Variants in CSMD3 observed in about 807,000 individuals in gnomAD.
CSMD3 encodes the protein CUB and sushi domain-containing protein 3.
CSMD3 carries 177 observed loss-of-function variants against 435.2 expected under a neutral mutation model. The observed-to-expected ratio is 0.41, with a 90% confidence interval of 0.36 to 0.46. The LOEUF is 0.46. CSMD3 is among the 20% of genes least tolerant of loss of function. The pLI, the probability that CSMD3 is intolerant of heterozygous loss-of-function variation, is 0.34. For missense variants in CSMD3, 4,265 were observed against 4,504.6 expected, an observed-to-expected ratio of 0.95 and a Z score of 1.52; for synonymous variants, 1,656 against 1,520.5, an observed-to-expected ratio of 1.09 and a Z score of -2.07.
In CSMD3 at chr8:112,625,300, A is replaced by C. The variant is rs553755691; in HGVS notation, c.3715+11517T>G. Among the ~76,000 whole-genome samples the C allele has an allele frequency of 2.0e-5, 3 of 152,200 alleles. No individual in the cohort carries two copies. In the East Asian group the frequency reaches 5.8e-4, roughly 29 times the overall value. ...TATTTTACACAAGCACATTACATCAAGTCATCTCAAACATCATGATTGAAC... is the reference window on the plus strand; with the variant it reads ...TATTTTACACAAGCACATTACATCACGTCATCTCAAACATCATGATTGAAC... On this transcript the variant is annotated intron_variant, in intron 22 of 70. Coordinates refer to ENST00000297405, the MANE Select transcript of CSMD3 (RefSeq NM_198123.2).
chr8:113,355,339 CA>C (rs1370206403), intron 1 of CSMD3, among the ~76,000 whole-genome samples: 2 of 151,840 alleles, frequency 1.3e-5, no homozygotes, highest in African/African-American at 2.4e-5. Flanking sequence ...GCTGCTACAA[CA>C]AAATACCATG....
chr8:113,353,070 G>A (rs1009671275), intron 1 of CSMD3, among the ~76,000 whole-genome samples: 12 of 152,124 alleles, frequency 7.9e-5, no homozygotes, highest in African/African-American at 2.7e-4. Context: ...GAGTTTCAAA[G>A]TAGTGCCAGT....
At chr8:112,517,837 C>G (rs1048486362) in intron 27 of CSMD3, among the ~76,000 whole-genome samples, 2 of 152,168 alleles carry the variant, frequency 1.3e-5, no homozygotes, top group African/African-American at 4.8e-5. Flanking sequence ...GGTAAAACCA[C>G]TCTGGAAAGG....
At chr8:112,606,184 G>A (rs7823392) in intron 22 of CSMD3, among the ~76,000 whole-genome samples, 86,725 of 151,990 alleles carry the variant, frequency 0.57, 25,211 homozygotes, top group African/African-American at 0.67. Flanking sequence ...TACCTATGTC[G>A]CCTGTACCCC....
Position 112,487,555 on chromosome 8 carries a change from A to G in CSMD3, c.5278+4934T>C, listed in dbSNP as rs538091751. The stretch of plus-strand genomic sequence containing the variant: ...CTTTGGCATTTATTCTGATTTGGGA[A>G]GCCATTGGTGGATTTTGAGTAAATA... On this transcript the variant is annotated intron_variant, in intron 31 of 70. Transcript: ENST00000297405. Among the ~76,000 whole-genome samples, 35 of 152,266 alleles carry G rather than the reference A, an allele frequency of 2.3e-4. No individual in the cohort carries two copies. The South Asian group carries it at 7.3e-3, about 32-fold the overall frequency.
chr8:113,166,928 A>G (rs958042249), intron 4 of CSMD3, among the ~76,000 whole-genome samples: 1 of 152,178 alleles, frequency 6.6e-6, no homozygotes, highest in African/African-American at 2.4e-5. Context: ...TTGATTAGGT[A>G]TTTTACATAC....
At chr8:112,764,422 G>A (rs2077924457) in intron 13 of CSMD3, among the ~76,000 whole-genome samples, 1 of 151,176 alleles carries the variant, frequency 6.6e-6, no homozygotes, top group African/African-American at 2.4e-5. Context: ...CCAAACATCG[G>A]TGAATTTACA....
intron 2 of CSMD3, among the ~76,000 whole-genome samples, chr8:113,289,554 C>CGGAGAG (rs1351995588): frequency 7.0e-6 from 1 of 143,188 alleles, no homozygotes; most frequent in Non-Finnish European, 1.5e-5. Flanking sequence ...CAGAGAGAGA[C>CGGAGAG]AGAGAGAGAG....
chr8:112,444,737 G>A (rs928489085), intron 32 of CSMD3, among the ~76,000 whole-genome samples: 2 of 152,092 alleles, frequency 1.3e-5, no homozygotes, highest in African/African-American at 2.4e-5. Flanking sequence ...ATGGCAATGG[G>A]GCACAGGAAA....
chr8:112,463,043 C>T (rs372773643), intron 32 of CSMD3, among the ~76,000 whole-genome samples: 1 of 152,136 alleles, frequency 6.6e-6, no homozygotes, highest in Non-Finnish European at 1.5e-5. Flanking sequence ...CTTCCTTGTG[C>T]TTGTGTGGTA....
At chr8:113,322,602 T>A (rs919421624) in intron 1 of CSMD3, among the ~76,000 whole-genome samples, 15 of 152,206 alleles carry the variant, frequency 9.9e-5, no homozygotes, top group African/African-American at 3.6e-4. Flanking sequence ...TACATATGTA[T>A]TTTAGAATCA....
intron 1 of CSMD3, among the ~76,000 whole-genome samples, chr8:113,392,453 A>G (rs1289526282): frequency 6.6e-6 from 1 of 152,248 alleles, no homozygotes; most frequent in East Asian, 1.9e-4. Context: ...GATACCACAT[A>G]TATTAATTTA....
intron 10 of CSMD3, among the ~76,000 whole-genome samples, chr8:112,895,029 A>AGTAATG (rs1342253182): frequency 2.0e-4 from 31 of 151,392 alleles, no homozygotes; most frequent in Admixed American, 4.0e-4. Context: ...TATAAGGCTA[A>AGTAATG]GTAATGTCTA....
intron 3 of CSMD3, among the ~76,000 whole-genome samples, chr8:113,273,864 A>G (rs1274468645): frequency 2.0e-5 from 3 of 152,136 alleles, no homozygotes; most frequent in Non-Finnish European, 4.4e-5. Flanking sequence ...AAATATTTCT[A>G]CTTAGAAACA....
chr8:112,316,056 G>C (rs552994169), intron 47 of CSMD3, among the ~76,000 whole-genome samples: 2 of 151,890 alleles, frequency 1.3e-5, no homozygotes, highest in Non-Finnish European at 1.5e-5. Flanking sequence ...AACTAACATA[G>C]TGGATTATGG....
At chr8:112,479,914 G>A (rs1371424616) in intron 31 of CSMD3, among the ~76,000 whole-genome samples, 1 of 152,130 alleles carries the variant, frequency 6.6e-6, no homozygotes, top group Non-Finnish European at 1.5e-5. Flanking sequence ...GGAGTTGTGG[G>A]AAGTAGGCCA....
At chr8:112,590,699 G>C (rs1245788035) in intron 22 of CSMD3, among the ~76,000 whole-genome samples, 1 of 151,946 alleles carries the variant, frequency 6.6e-6, no homozygotes, top group Non-Finnish European at 1.5e-5. Context: ...AAGAGGAAAA[G>C]AGGAGACTGA....
chr8:112,429,587 T>C (rs1469744942), intron 32 of CSMD3, among the ~76,000 whole-genome samples: 2 of 152,078 alleles, frequency 1.3e-5, no homozygotes, highest in African/African-American at 4.8e-5. Flanking sequence ...TTGTTATTAC[T>C]AGTATGAAAA....
At chr8:113,129,367 A>G (rs2091226052) in intron 4 of CSMD3, among the ~76,000 whole-genome samples, 1 of 152,214 alleles carries the variant, frequency 6.6e-6, no homozygotes, top group African/African-American at 2.4e-5. Flanking sequence ...CATGCTCTAT[A>G]TTCCTTCAGA....
Sources: allele counts gnomAD v4.1 joint callset (sites outside exome capture counted in the v4.1 genomes callset), GRCh38; gene constraint gnomAD v4.1.1; transcripts MANE v1.5; gene names NCBI Gene and HGNC (gene_info 2026-07-23, HGNC 2026-07-21).